SPRY3: variants seen among roughly 807,000 people sequenced by gnomAD.
The protein encoded by SPRY3 is protein sprouty homolog 3.
Under a neutral mutation model 20.2 loss-of-function variants are expected in SPRY3, and 15 were observed. The observed-to-expected ratio is 0.74, with a 90% CI of 0.50 to 1.14. SPRY3 has a LOEUF of 1.14. SPRY3 is among the 50% of genes most tolerant of loss of function. The probability of loss-of-function intolerance (pLI) is 0.00; values close to 1 mark genes in which losing one functional copy is unlikely to be tolerated. For missense variants in SPRY3, 364 were observed against 363.9 expected (o/e 1.00, Z 0.00); for synonymous variants, 143 against 136.5 (o/e 1.05, Z -0.33).
At chrX:155,627,469 A>G (rs1347549526) in intron 1 of SPRY3, among the ~76,000 whole-genome samples, 4 of 111,752 alleles carry the variant, frequency 3.6e-5, no homozygotes, top group Middle Eastern at 4.6e-3. Flanking sequence ...AGTGGTATAT[A>G]TGCCACTTTT....
At chrX:155,692,188 A>G (rs1275230754) in intron 2 of SPRY3, among the ~76,000 whole-genome samples, 1 of 110,538 alleles carries the variant, frequency 9.0e-6, no homozygotes, top group Non-Finnish European at 1.9e-5. Context: ...ACAGCTTTAT[A>G]TTTTACATTT....
chrX:155,613,040 A>G (rs893803712), intron 1 of SPRY3: 2 of 112,235 alleles, frequency 1.8e-5, no homozygotes, highest in Non-Finnish European at 3.8e-5. Context: ...TCAGTCTCCC[A>G]TTCGGAAGGA....
chrX:155,686,070 G>A (rs1258636638), intron 2 of SPRY3, among the ~76,000 whole-genome samples: 3 of 111,855 alleles, frequency 2.7e-5, no homozygotes, highest in Middle Eastern at 4.2e-3. Flanking sequence ...CACTGCACCC[G>A]ACCATATTCC....
chrX:155,738,272 A>T (rs943169978), intron 2 of SPRY3, among the ~76,000 whole-genome samples: 74 of 152,166 alleles, frequency 4.9e-4, no homozygotes, highest in African/African-American at 1.7e-3. Context: ...TGGGAAAAAA[A>T]AATGCTTGCA....
chrX:155,767,377 T>A (rs700442), intron 2 of SPRY3, among the ~76,000 whole-genome samples: 1 of 151,782 alleles, frequency 6.6e-6, no homozygotes, highest in Non-Finnish European at 1.5e-5. Context: ...ACTCACTCCC[T>A]GCCCCCACTG....
At chrX:155,678,334 A>C (rs1230033252) in intron 2 of SPRY3, among the ~76,000 whole-genome samples, 1 of 112,184 alleles carries the variant, frequency 8.9e-6, no homozygotes, top group Non-Finnish European at 1.9e-5. Context: ...ATCAAGATGG[A>C]AAAAAGTCTT....
At chrX:155,720,756 A>G (rs2091052166) in intron 2 of SPRY3, among the ~76,000 whole-genome samples, 1 of 151,940 alleles carries the variant, frequency 6.6e-6, no homozygotes, top group Non-Finnish European at 1.5e-5. Context: ...TAAAGTGGAT[A>G]CAGCTTAGAT....
intron 1 of SPRY3, among the ~76,000 whole-genome samples, chrX:155,636,402 C>T (rs1224407181): frequency 9.0e-6 from 1 of 111,649 alleles, no homozygotes; most frequent in Admixed American, 9.5e-5. Context: ...GGATTCAGAC[C>T]ATTCAGGAAT....
intron 1 of SPRY3, among the ~76,000 whole-genome samples, chrX:155,650,555 A>G (rs1255211412): frequency 8.9e-6 from 1 of 112,105 alleles, no homozygotes; most frequent in Non-Finnish European, 1.9e-5. Context: ...TTCTGCAGTA[A>G]TTGGATGCAG....
Position 155,730,075 on chromosome X carries a change from G to A in SPRY3, c.-281-37887G>A, listed in dbSNP as rs1185717506. Among the ~76,000 whole-genome samples the A allele has an allele frequency of 4.6e-5, 7 of 151,992 alleles. No homozygotes were observed. In the East Asian group the frequency reaches 1.3e-3, roughly 29 times the overall value. On this transcript the variant is annotated intron_variant, in intron 2 of 3. Transcript: ENST00000675360. ...AAGTCTCCCAGCACAGAAATGCCTG[G>A]GACCCAATGGCTTCACTGTTGAAAT...
chrX:155,613,385 G>A (rs1217994011), intron 1 of SPRY3, among the ~76,000 whole-genome samples: 3 of 111,201 alleles, frequency 2.7e-5, no homozygotes, highest in African/African-American at 9.8e-5. Flanking sequence ...CATTAGGAAT[G>A]AACACCTTAT....
At chrX:155,693,769 T>C (rs771186625) in intron 2 of SPRY3, among the ~76,000 whole-genome samples, 3 of 101,056 alleles carry the variant, frequency 3.0e-5, no homozygotes, top group Non-Finnish European at 6.1e-5. Flanking sequence ...TTATACATAC[T>C]GATAATCTCT....
At chrX:155,644,917 C>T (rs1478368339) in intron 1 of SPRY3, among the ~76,000 whole-genome samples, 2 of 111,183 alleles carry the variant, frequency 1.8e-5, no homozygotes, top group Non-Finnish European at 3.8e-5. Context: ...AATCACTTCC[C>T]GTAGCCACCA....
chrX:155,775,028 C>T, exon 4 of SPRY3: 1 of 495,466 alleles, frequency 2.0e-6, no homozygotes, highest in Non-Finnish European at 3.6e-6. Flanking sequence ...ACACTGAGGA[C>T]TGACAGGGCC....
chrX:155,766,344 C>T (rs956969090), intron 2 of SPRY3, among the ~76,000 whole-genome samples: 1 of 152,064 alleles, frequency 6.6e-6, no homozygotes, highest in Non-Finnish European at 1.5e-5. Flanking sequence ...TTAGCAATTA[C>T]CTAATCAGAT....
chrX:155,719,422 T>C (rs1239345342), intron 2 of SPRY3, among the ~76,000 whole-genome samples: 23 of 152,036 alleles, frequency 1.5e-4, no homozygotes, highest in Non-Finnish European at 7.4e-5. Context: ...CGAGTCCTAG[T>C]GCTGAACTGG....
intron 2 of SPRY3, among the ~76,000 whole-genome samples, chrX:155,691,147 T>C (rs2068101120): frequency 1.1e-5 from 1 of 87,710 alleles, no homozygotes; most frequent in Non-Finnish European, 2.1e-5. Flanking sequence ...AACCCTGTGC[T>C]TGTTTGCCCC....
intron 2 of SPRY3, among the ~76,000 whole-genome samples, chrX:155,711,873 G>A (rs1454482846): frequency 6.6e-6 from 1 of 151,170 alleles, no homozygotes; most frequent in Non-Finnish European, 1.5e-5. Context: ...TGCTTTTGCT[G>A]TATCCCTTAG....
intron 2 of SPRY3, among the ~76,000 whole-genome samples, chrX:155,714,476 G>A (rs5983766): frequency 1.1e-3 from 165 of 152,276 alleles, no homozygotes; most frequent in African/African-American, 3.8e-3. Context: ...GTACTACCAG[G>A]CAGAGACTCA....
Sources: allele counts gnomAD v4.1 joint callset (sites outside exome capture counted in the v4.1 genomes callset), GRCh38; gene constraint gnomAD v4.1.1; transcripts MANE v1.5; gene names NCBI Gene and HGNC (gene_info 2026-07-23, HGNC 2026-07-21).